The following CDK5RAP1 variants were observed in gnomAD, a reference collection of about 807,000 sequenced individuals.
The protein encoded by CDK5RAP1 is mitochondrial tRNA methylthiotransferase CDK5RAP1.
A neutral mutation model predicts 64.5 loss-of-function variants in CDK5RAP1; 62 were observed. The ratio of observed to expected loss-of-function variants is 0.96; its 90% CI spans 0.78 to 1.19. The LOEUF (loss-of-function observed/expected upper bound fraction) is 1.19, where lower values mean the gene tolerates loss of function less well. Among genes scored for constraint, CDK5RAP1 ranks in the 50% most tolerant of loss-of-function variants. The pLI is 0.00. For synonymous variants in CDK5RAP1, 250 were observed against 261.9 expected (o/e 0.95, Z 0.44); for missense variants, 657 against 735.0 (o/e 0.89, Z 1.23).
At chr20:33,373,208 G>T (rs1452640391) in intron 9 of CDK5RAP1, 2 of 139,248 alleles carry the variant, frequency 1.4e-5, no homozygotes, top group Non-Finnish European at 3.0e-5. Flanking sequence ...TCACCATGTT[G>T]CCCAGGTGTG....
chr20:33,397,939 C>T (rs1267869114), intron 1 of CDK5RAP1, among the ~76,000 whole-genome samples: 2 of 152,128 alleles, frequency 1.3e-5, no homozygotes, highest in African/African-American at 4.8e-5. Context: ...TTGCTATGAA[C>T]CGAGATCGCA....
chr20:33,394,126 A>G, intron 3 of CDK5RAP1, 60 bp from the exon 4 acceptor site: 1 of 1,144,380 alleles, frequency 8.7e-7, no homozygotes, highest in Non-Finnish European at 1.3e-6. Flanking sequence ...TTAGCCTTGT[A>G]CAATTCCTGC....
At chr20:33,395,243 G>T in intron 2 of CDK5RAP1, 127 bp from the exon 3 acceptor site, 1 of 624,608 alleles carries the variant, frequency 1.6e-6, no homozygotes, top group Non-Finnish European at 2.9e-6. Flanking sequence ...GTCCCCTATT[G>T]CTTCAATCTT....
At chr20:33,372,950 T>C (rs1324488207) in intron 9 of CDK5RAP1, 2 of 270,302 alleles carry the variant, frequency 7.4e-6, no homozygotes, top group African/African-American at 4.5e-5. Flanking sequence ...TCTCGCTCTG[T>C]CTCTCAGGCT....
chr20:33,389,156 C>G (rs1438935924), intron 5 of CDK5RAP1, among the ~76,000 whole-genome samples: 1 of 151,700 alleles, frequency 6.6e-6, no homozygotes. Flanking sequence ...TCTTCCCGGC[C>G]GCCATCCCGT....
At position 33,358,863 on chromosome 20, in the gene CDK5RAP1, A is replaced by G; in HGVS notation, c.*180T>C. On this transcript the variant is annotated 3_prime_UTR_variant, in exon 14 of 14. Coordinates refer to ENST00000346416, the MANE Select transcript of CDK5RAP1 (RefSeq NM_016408.4). ...GTTAACCTTAGTTTAGGTAAATTTA[A>G]TGACTGTAAAAGCTGTTCACATAGC... 1.8e-6 allele frequency: 1 copy of G among 558,056 alleles called. No homozygotes were observed. The highest frequency in any genetic ancestry group is 3.2e-6 in the Non-Finnish European group (1 of 314,876). 34.6% of individuals were successfully genotyped at this position (558,056 alleles called of 1,614,324 possible).
Position 33,385,666 on chromosome 20 carries a change from T to A in CDK5RAP1, c.860A>T (p.Lys287Met). 6.2e-7 allele frequency: 1 copy of A among 1,614,180 alleles called. No homozygotes were observed. Among genetic ancestry groups the A allele is most frequent in the African/African-American group, 1.3e-5 (1 of 75,074 alleles). The change falls in exon 7 of 14, where the codon AAG (lysine) becomes ATG (methionine). Residue 287 changes from lysine (K) to methionine (M), a missense_variant. Coordinates refer to ENST00000346416, the MANE Select transcript of CDK5RAP1 (RefSeq NM_016408.4). The part of the protein sequence containing the change: ...RPIASILEEV[K>M]KLSEQGLKEV... ...ACTCTTCACCTGCTCAGAAAGCTTC[T>A]TCACTTCCTCTAGAATGGAGGCAAT...
intron 8 of CDK5RAP1, among the ~76,000 whole-genome samples, chr20:33,376,721 T>C (rs1986041373): frequency 6.6e-6 from 1 of 152,216 alleles, no homozygotes; most frequent in African/African-American, 2.4e-5. Context: ...TTAAGAAATA[T>C]ATTTCATAAA....
intron 1 of CDK5RAP1, among the ~76,000 whole-genome samples, chr20:33,399,853 A>G (rs1252889701): frequency 6.6e-6 from 1 of 152,064 alleles, no homozygotes; most frequent in Non-Finnish European, 1.5e-5. Flanking sequence ...TGGCAAGACC[A>G]TGTTTATTTG....
intron 11 of CDK5RAP1, among the ~76,000 whole-genome samples, chr20:33,370,005 C>G (rs533860260): frequency 6.6e-6 from 1 of 152,184 alleles, no homozygotes; most frequent in Middle Eastern, 3.2e-3. Flanking sequence ...GTGCACTAAT[C>G]TCTCCTTCTT....
intron 7 of CDK5RAP1, chr20:33,383,345 C>G (rs1418551908): frequency 6.6e-6 from 1 of 152,040 alleles, no homozygotes; most frequent in Non-Finnish European, 1.5e-5. Flanking sequence ...AGTGGGCTCA[C>G]ACCTGTAATC....
intron 11 of CDK5RAP1, among the ~76,000 whole-genome samples, chr20:33,369,120 C>T (rs948132797): frequency 2.7e-5 from 4 of 149,510 alleles, no homozygotes; most frequent in African/African-American, 9.9e-5. Context: ...AGCCTGGTGA[C>T]AGAGCGAGAC....
At position 33,379,652 on chromosome 20, in the gene CDK5RAP1, TATTAACATTCTGACCAAGAAG is replaced by T; in HGVS notation, c.895_915del (p.Leu299_Asn305del). On this transcript the variant is annotated inframe_deletion, in exon 8 of 14. Transcript: ENST00000346416. ...TGGACCTCCGAATTGTCCCGAAAAC[TATTAACATTCTGACCAAGAAG>T]TGTCACTTCTTTCAGCCCCTAAACA... 1 of 1,614,116 alleles carries T rather than the reference TATTAACATTCTGACCAAGAAG, an allele frequency of 6.2e-7. No homozygotes were observed. The highest frequency in any genetic ancestry group is 8.5e-7 in the Non-Finnish European group (1 of 1,179,954).
At chr20:33,369,611 C>T (rs193040323) in intron 11 of CDK5RAP1, among the ~76,000 whole-genome samples, 28 of 152,270 alleles carry the variant, frequency 1.8e-4, no homozygotes, top group Middle Eastern at 3.4e-3. Flanking sequence ...CAGAACACTA[C>T]GCAGTGGCTT....
At chr20:33,390,145 G>A (rs1056755390) in intron 5 of CDK5RAP1, among the ~76,000 whole-genome samples, 5 of 151,876 alleles carry the variant, frequency 3.3e-5, no homozygotes, top group Non-Finnish European at 7.4e-5. Flanking sequence ...CTCGTGGAAC[G>A]TGCCTGCAGT....
intron 7 of CDK5RAP1, chr20:33,383,646 CAGG>C (rs1383559067): frequency 6.6e-6 from 1 of 150,910 alleles, no homozygotes; most frequent in Non-Finnish European, 1.5e-5. Context: ...GAGGCTGAGG[CAGG>C]AGAATCGTTT....
chr20:33,379,448 A>ATATGAGTTTGT lies in CDK5RAP1; in HGVS notation c.1107+12_1107+13insACAAACTCATA, dbSNP rs749281440. 1 of 1,572,864 alleles carries ATATGAGTTTGT rather than the reference A, an allele frequency of 6.4e-7. No individual in the cohort carries two copies. Among genetic ancestry groups the ATATGAGTTTGT allele is most frequent in the Non-Finnish European group, 8.8e-7 (1 of 1,142,668 alleles). On this transcript the variant is annotated intron_variant, in intron 8 of 13. Coordinates refer to ENST00000346416, the MANE Select transcript of CDK5RAP1 (RefSeq NM_016408.4). ...TACTAATATCAGTTTGTCACAGCTA[A>ATATGAGTTTGT]CCTGACGCTCACCTCATCAGGAAAA...
chr20:33,379,134 C>T (rs569969082), intron 8 of CDK5RAP1, among the ~76,000 whole-genome samples: 3 of 152,154 alleles, frequency 2.0e-5, no homozygotes, highest in South Asian at 4.2e-4. Context: ...GAACTACAGT[C>T]GTATCCCACC....
At chr20:33,399,344 G>A (rs1432645157) in intron 1 of CDK5RAP1, among the ~76,000 whole-genome samples, 2 of 152,014 alleles carry the variant, frequency 1.3e-5, no homozygotes, top group African/African-American at 4.8e-5. Context: ...CTCTCTAGTG[G>A]CCTATGGTAC....
Sources: allele counts gnomAD v4.1 joint callset (sites outside exome capture counted in the v4.1 genomes callset), GRCh38; gene constraint gnomAD v4.1.1; transcripts MANE v1.5; gene names NCBI Gene and HGNC (gene_info 2026-07-23, HGNC 2026-07-21).